Variants in SF3B3 observed in about 807,000 individuals in gnomAD.
SF3B3 encodes the protein SAP 130.
SF3B3 carries 33 observed loss-of-function variants against 139.2 expected under a neutral mutation model. The observed-to-expected ratio is 0.24, with a 90% CI of 0.18 to 0.32. The LOEUF (loss-of-function observed/expected upper bound fraction) is 0.32, where lower values mean the gene tolerates loss of function less well. Among genes scored for constraint, SF3B3 ranks in the 10% least tolerant of loss-of-function variants. SF3B3 has a pLI of 1.00. For missense variants in SF3B3, 818 were observed against 1,509.4 expected (o/e 0.54, Z 7.59); for synonymous variants, 596 against 563.6 (o/e 1.06, Z -0.81).
intron 15 of SF3B3, among the ~76,000 whole-genome samples, chr16:70,559,533 AAAAAATAGTTGGGAATGGTGG>A (rs2050408936): frequency 2.0e-5 from 3 of 152,108 alleles, no homozygotes; most frequent in African/African-American, 7.2e-5. Flanking sequence ...CCAAAAATAC[AAAAAATAGTTGGGAATGGTGG>A]CTCATGCCTG....
chr16:70,556,943 A>G lies in SF3B3; in HGVS notation c.1924A>G (p.Ile642Val). ...ALPAQPESLC[I>V]VEMGGTEKQD... The stretch of plus-strand genomic sequence containing the variant: ...CCCAGCCCAGCCTGAGTCCTTGTGT[A>G]TCGTGGAAATGGGTGGGACTGAGAA... Residue 642 changes from isoleucine to valine, a missense_variant, in exon 15 of 26, where the codon ATC (isoleucine) becomes GTC (valine). Coordinates refer to ENST00000302516, the MANE Select transcript of SF3B3 (RefSeq NM_012426.5). 6.2e-7 allele frequency: 1 copy of G among 1,613,942 alleles called. No individual in the cohort carries two copies. The highest frequency in any genetic ancestry group is 8.5e-7 in the Non-Finnish European group (1 of 1,179,928).
At chr16:70,547,820 C>T (rs1044931770) in intron 10 of SF3B3, among the ~76,000 whole-genome samples, 1 of 152,166 alleles carries the variant, frequency 6.6e-6, no homozygotes, top group Non-Finnish European at 1.5e-5. Context: ...GAACTCCTGA[C>T]CTAAGGCAAT....
Position 70,570,066 on chromosome 16 carries a change from C to A in SF3B3, c.3325C>A (p.Leu1109Met), listed in dbSNP as rs746568855. 1 of 1,614,122 alleles carries A rather than the reference C, an allele frequency of 6.2e-7. No homozygotes were observed. Residue 1109 changes from leucine (L) to methionine (M), a missense_variant, in exon 24 of 26, where the codon CTG (leucine) becomes ATG (methionine). Physicochemically the swap from Leu to Met is conservative, Grantham distance 15 (BLOSUM62 2). Coordinates refer to ENST00000302516, the MANE Select transcript of SF3B3 (RefSeq NM_012426.5). ...GGTGCTGTCCTTGCAGAAGACCACG[C>A]TGATCCCTGGAGGCTCAGAATCACT... ...ETVLSLQKTTLIPGGSESLVY... is the reference protein window; with the variant it reads ...ETVLSLQKTTMIPGGSESLVY...
Position 70,571,914 on chromosome 16 carries a change from G to A in SF3B3, c.*101G>A. ...CTGCCATGTGGCAGGAGGGTGACTG[G>A]ATAATTAAGACTGCATTATGAAAGT... On this transcript the variant is annotated 3_prime_UTR_variant, in exon 26 of 26. Coordinates refer to ENST00000302516, the MANE Select transcript of SF3B3 (RefSeq NM_012426.5). 7.3e-7 allele frequency: 1 copy of A among 1,376,360 alleles called. No homozygotes were observed. The highest frequency in any genetic ancestry group is 1.0e-6 in the Non-Finnish European group (1 of 1,000,292). 85.3% of individuals were successfully genotyped at this position (1,376,360 alleles called of 1,614,324 possible).
chr16:70,552,055 G>A lies in SF3B3; in HGVS notation c.1403-2391G>A, dbSNP rs1191570991. ...GTATGACCCTATTTAAGTTCACTGA[G>A]CATTTATTCTCTTATGTTTGAGTAG... On this transcript the variant is annotated intron_variant, in intron 11 of 25. Transcript: ENST00000302516. Among the ~76,000 whole-genome samples the A allele has an allele frequency of 2.6e-5, 4 of 152,298 alleles. No individual in the cohort carries two copies. The East Asian group carries it at 7.7e-4, about 29-fold the overall frequency.
intron 9 of SF3B3, among the ~76,000 whole-genome samples, chr16:70,543,954 A>G (rs753388203): frequency 6.6e-6 from 1 of 152,006 alleles, no homozygotes; most frequent in Non-Finnish European, 1.5e-5. Flanking sequence ...CCTGGGCTGA[A>G]GCGATTTTCC....
intron 9 of SF3B3, among the ~76,000 whole-genome samples, chr16:70,543,707 TA>T (rs371628093): frequency 0.032 from 4,820 of 151,332 alleles, 284 homozygotes; most frequent in African/African-American, 0.11. Flanking sequence ...GACTCTGTCT[TA>T]AAAAAAAATA....
rs1483606411 is a variant in SF3B3 at position 70,535,226 on chromosome 16, T to G, written c.713-82T>G. 14 of 638,912 alleles carry G rather than the reference T, an allele frequency of 2.2e-5. No homozygotes were observed. In the Admixed American group the frequency reaches 3.5e-4, roughly 16 times the overall value. The allele number at this position is 638,912 out of a possible 1,614,324, so 39.6% of individuals were successfully genotyped here. A position where few individuals can be genotyped will look rare whatever the true frequency, so the allele number is the denominator to read the frequency against. On this transcript the variant is annotated intron_variant, in intron 5 of 25. Transcript: ENST00000302516. ...CAGGCACATTACCATCATCAAGTTG[T>G]GCTGAAAGAGAGGAGGAGTTGAAAG...
chr16:70,530,995 T>TGAGCCACCACGCCC, intron 4 of SF3B3, 78 bp downstream of exon 4: 2 of 1,370,208 alleles, frequency 1.5e-6, no homozygotes, highest in Non-Finnish European at 2.0e-6. Context: ...CGGCCGGGCG[T>TGAGCCACCACGCCC]GGTGGCTCAC....
chr16:70,560,627 G>C (rs1424226158), intron 16 of SF3B3, 36 bp downstream of exon 16: 1 of 1,607,920 alleles, frequency 6.2e-7, no homozygotes. Flanking sequence ...CAACATCTTT[G>C]GGATTTTAGT....
chr16:70,529,752 G>C (rs2050102872), intron 3 of SF3B3, among the ~76,000 whole-genome samples: 1 of 152,152 alleles, frequency 6.6e-6, no homozygotes, highest in Non-Finnish European at 1.5e-5. Flanking sequence ...GGGCCACAAT[G>C]ATGCCATTGT....
rs1555500454 is a variant in SF3B3 at position 70,555,500 on chromosome 16, A to AAAG, written c.1710+294_1710+295insAAG. Among the ~76,000 whole-genome samples, 17 of 141,524 alleles carry AAAG rather than the reference A, an allele frequency of 1.2e-4. 2 individuals are homozygous for AAAG. Among genetic ancestry groups the AAAG allele is most frequent in the South Asian group, 4.5e-4 (2 of 4,454 alleles). 92.8% of individuals were successfully genotyped at this position (141,524 alleles called of 152,430 possible). On this transcript the variant is annotated intron_variant, in intron 13 of 25. Transcript: ENST00000302516. ...CTCAAAAAAAAAAAAAAAAAAAAAA[A>AAAG]GCGAGCTGGAGTGACAGTGTTCACA...
chr16:70,539,862 T>C (rs150634276), intron 8 of SF3B3, among the ~76,000 whole-genome samples: 5,525 of 150,528 alleles, frequency 0.037, 351 homozygotes, highest in African/African-American at 0.13. Flanking sequence ...CCGCAACCTC[T>C]GCCTCCCAGG....
At chr16:70,568,948 G>T in intron 22 of SF3B3, 95 bp from the exon 23 acceptor site, 1 of 803,238 alleles carries the variant, frequency 1.2e-6, no homozygotes, top group Non-Finnish European at 2.0e-6. Context: ...GTGCCCCTGT[G>T]GCTGACTTGC....
At chr16:70,569,570 G>A (rs1230110291) in intron 23 of SF3B3, among the ~76,000 whole-genome samples, 1 of 152,286 alleles carries the variant, frequency 6.6e-6, no homozygotes, top group Non-Finnish European at 1.5e-5. Context: ...GTTTTATGAG[G>A]CATTAAGCTT....
At chr16:70,540,694 C>G (rs1488372746) in intron 8 of SF3B3, among the ~76,000 whole-genome samples, 2 of 151,746 alleles carry the variant, frequency 1.3e-5, no homozygotes, top group African/African-American at 4.8e-5. Flanking sequence ...TTGTGTCTAG[C>G]TCATTTTACT....
At chr16:70,566,232 C>T (rs1285475885) in intron 20 of SF3B3, among the ~76,000 whole-genome samples, 1 of 151,776 alleles carries the variant, frequency 6.6e-6, no homozygotes, top group Non-Finnish European at 1.5e-5. Flanking sequence ...GATAGTTACA[C>T]AACAGTAAAT....
rs887593509 is a variant in SF3B3, at chr16:70,532,494, C to G, written c.586C>G (p.Pro196Ala). 2 of 1,613,900 alleles carry G rather than the reference C, an allele frequency of 1.2e-6. No individual in the cohort carries two copies. The highest frequency in any genetic ancestry group is 1.7e-6 in the Non-Finnish European group (2 of 1,179,974). Reference sequence around the variant, plus strand: ...TTCTCTGTAGGAAGCAGACAATGATCCAACAGGGGAAGCAGCAGCTAATAC... The same window carrying G: ...TTCTCTGTAGGAAGCAGACAATGATGCAACAGGGGAAGCAGCAGCTAATAC... ...EMDYEEADND[P>A]TGEAAANTQQ... is the part of the protein sequence containing the mutation. The change falls in exon 5 of 26, where the codon CCA (proline) becomes GCA (alanine). Residue 196 changes from proline (P) to alanine (A), a missense_variant. Pro to Ala is a conservative substitution (Grantham distance 27). Around this residue, in one of 14 missense-constraint regions of SF3B3, gnomAD observed 144 missense variants for 259.2 expected, o/e 0.56. Coordinates refer to ENST00000302516, the MANE Select transcript of SF3B3 (RefSeq NM_012426.5).
intron 11 of SF3B3, 148 bp from the exon 12 acceptor site, chr16:70,554,298 T>A: frequency 1.5e-6 from 1 of 657,140 alleles, no homozygotes; most frequent in South Asian, 2.0e-5. Context: ...CATTTTGCTC[T>A]GTGTGCATGT....
Sources: gnomAD v4.1 joint callset for allele counts (sites outside exome capture counted in the v4.1 genomes callset) on GRCh38, gnomAD v4.1.1 for gene constraint, gnomAD v4.1.1 regional missense constraint, MANE v1.5 for transcripts, NCBI Gene and HGNC (gene_info 2026-07-23, HGNC 2026-07-21) for gene names.